TUSC3: variants seen among roughly 807,000 people sequenced by gnomAD.
TUSC3 encodes the protein dolichyl-diphosphooligosaccharide--protein glycosyltransferase subunit TUSC3.
In TUSC3, 45 loss-of-function variants were observed where a neutral mutation model predicts 44.8. The ratio of observed to expected loss-of-function variants is 1.00; its 90% CI spans 0.79 to 1.29. The LOEUF is 1.29. TUSC3 is among the 50% of genes most tolerant of loss of function. The pLI, the probability that TUSC3 is intolerant of heterozygous loss-of-function variation, is 0.00. For missense variants in TUSC3, 519 were observed against 437.9 expected, an observed-to-expected ratio of 1.19 and a Z score of -1.65; for synonymous variants, 212 against 152.9, an observed-to-expected ratio of 1.39 and a Z score of -2.85.
chr8:15,609,338 A>C (rs964588047), intron 1 of TUSC3, among the ~76,000 whole-genome samples: 1 of 152,200 alleles, frequency 6.6e-6, no homozygotes. Flanking sequence ...AGTACCTGCT[A>C]TACTCATTTA....
downstream of TUSC3, among the ~76,000 whole-genome samples, chr8:15,766,808 A>G (rs974553109): frequency 2.0e-5 from 3 of 152,030 alleles, no homozygotes; most frequent in African/African-American, 7.2e-5. Flanking sequence ...AAACCTCCCT[A>G]AGGGTACGTG....
the TUSC3 span, among the ~76,000 whole-genome samples, chr8:15,842,325 T>C: frequency 2.0e-5 from 3 of 152,168 alleles, no homozygotes; most frequent in Admixed American, 2.0e-4. Context: ...AGCCTCATCA[T>C]CTATAAATCA....
chr8:15,636,366 G>A (rs1401227140), intron 2 of TUSC3, among the ~76,000 whole-genome samples: 3 of 152,064 alleles, frequency 2.0e-5, no homozygotes, highest in African/African-American at 7.2e-5. Flanking sequence ...AAAACTGATG[G>A]GTGGCCAGGG....
chr8:15,712,307 C>T (rs1216950379), intron 6 of TUSC3, among the ~76,000 whole-genome samples: 1 of 151,864 alleles, frequency 6.6e-6, no homozygotes, highest in Non-Finnish European at 1.5e-5. Flanking sequence ...AGCAAACTAT[C>T]TTTGTATTAT....
chr8:15,812,015 C>A, the TUSC3 span, among the ~76,000 whole-genome samples: 1 of 152,176 alleles, frequency 6.6e-6, no homozygotes, highest in African/African-American at 2.4e-5. Context: ...TTGAATTAAT[C>A]TGCATTCCTT....
chr8:15,707,614 G>T (rs556177369), intron 6 of TUSC3, among the ~76,000 whole-genome samples: 1 of 151,948 alleles, frequency 6.6e-6, no homozygotes, highest in Admixed American at 6.6e-5. Flanking sequence ...ATATATTTCT[G>T]CGAGAGCAAA....
the TUSC3 span, among the ~76,000 whole-genome samples, chr8:15,803,570 G>C: frequency 2.6e-4 from 40 of 152,156 alleles, no homozygotes; most frequent in African/African-American, 9.7e-4. Context: ...TTTACCTTAA[G>C]TTCTGGGATA....
rs2129132447 is a variant in TUSC3, at chr8:15,540,483, G to A, written c.53G>A (p.Arg18Gln). The stretch of plus-strand genomic sequence containing the variant: ...CGTAGGCAAGCGGGGCGGCGGCTGC[G>A]GTACCTGCCCACCGGGAGCTTTCCC... Reference protein sequence around the residue: ...SRRRQAGRRLRYLPTGSFPFL... With the variant: ...SRRRQAGRRLQYLPTGSFPFL... Residue 18 changes from arginine (R) to glutamine (Q), a missense_variant, in exon 1 of 11, where the codon CGG becomes CAG. By Grantham distance (43) the Arg-to-Gln change is conservative. Coordinates refer to ENST00000503731, the MANE Select transcript of TUSC3 (RefSeq NM_006765.4). The A allele has an allele frequency of 6.2e-7, 1 of 1,607,974 alleles. No individual in the cohort carries two copies. Among genetic ancestry groups the A allele is most frequent in the Non-Finnish European group, 8.5e-7 (1 of 1,177,934 alleles).
chr8:15,850,341 T>G, the TUSC3 span, among the ~76,000 whole-genome samples: 1 of 152,190 alleles, frequency 6.6e-6, no homozygotes, highest in East Asian at 1.9e-4. Flanking sequence ...TCTTCCCATT[T>G]TAGGTTTGTT....
chr8:15,784,751 G>A, the TUSC3 span, among the ~76,000 whole-genome samples: 1 of 152,120 alleles, frequency 6.6e-6, no homozygotes, highest in Non-Finnish European at 1.5e-5. Context: ...ATGGCTACCA[G>A]AGGCTGAGGA....
intron 1 of TUSC3, among the ~76,000 whole-genome samples, chr8:15,582,002 A>T (rs1365720401): frequency 6.6e-6 from 1 of 151,826 alleles, no homozygotes; most frequent in African/African-American, 2.4e-5. Flanking sequence ...TGTGGGATAT[A>T]ATCTTGTGGT....
At chr8:15,508,898 G>T (rs1304483291) in intron 2 of TUSC3, among the ~76,000 whole-genome samples, 12 of 152,188 alleles carry the variant, frequency 7.9e-5, no homozygotes, top group Non-Finnish European at 1.2e-4. Flanking sequence ...TCCATGTAGG[G>T]TTGGCATTAT....
intron 1 of TUSC3, among the ~76,000 whole-genome samples, chr8:15,569,012 ATT>A (rs1802772804): frequency 6.6e-6 from 1 of 152,092 alleles, no homozygotes; most frequent in African/African-American, 2.4e-5. Context: ...AGTAGACCTG[ATT>A]TACATTAGAT....
At chr8:15,628,539 C>A (rs963919812) in intron 2 of TUSC3, among the ~76,000 whole-genome samples, 17 of 151,908 alleles carry the variant, frequency 1.1e-4, no homozygotes, top group African/African-American at 4.1e-4. Context: ...TTTAATGGGT[C>A]AGTGTCGGGG....
intron 6 of TUSC3, among the ~76,000 whole-genome samples, chr8:15,713,244 G>A (rs565313285): frequency 6.6e-6 from 1 of 151,976 alleles, no homozygotes; most frequent in Non-Finnish European, 1.5e-5. Flanking sequence ...GTTTTATGTG[G>A]TTTCTTCTCA....
chr8:15,523,875 G>A (rs1410981238), intron 2 of TUSC3, among the ~76,000 whole-genome samples: 1 of 151,324 alleles, frequency 6.6e-6, no homozygotes, highest in Non-Finnish European at 1.5e-5. Flanking sequence ...CGCCAACATG[G>A]TGAAACCCCG....
At chr8:15,512,664 A>T (rs1801153174) in intron 2 of TUSC3, among the ~76,000 whole-genome samples, 1 of 151,604 alleles carries the variant, frequency 6.6e-6, no homozygotes, top group Non-Finnish European at 1.5e-5. Flanking sequence ...TTCCAGCTAG[A>T]TGGGAGGCTG....
intron 8 of TUSC3, among the ~76,000 whole-genome samples, chr8:15,746,654 C>T (rs1811429441): frequency 6.6e-6 from 1 of 151,948 alleles, no homozygotes; most frequent in Non-Finnish European, 1.5e-5. Flanking sequence ...TCACACATTT[C>T]AAGCCTCATT....
intron 1 of TUSC3, among the ~76,000 whole-genome samples, chr8:15,474,495 C>G (rs1480041497): frequency 6.6e-6 from 1 of 152,074 alleles, no homozygotes; most frequent in Non-Finnish European, 1.5e-5. Context: ...CGTTCAGAGT[C>G]CCTGACTTCC....
Sources: gnomAD v4.1 joint callset for allele counts (sites outside exome capture counted in the v4.1 genomes callset) on GRCh38, gnomAD v4.1.1 for gene constraint, MANE v1.5 for transcripts, NCBI Gene and HGNC (gene_info 2026-07-23, HGNC 2026-07-21) for gene names.